The following CRAMP1 variants were observed in gnomAD, a reference collection of about 807,000 sequenced individuals.
CRAMP1 encodes protein cramped-like.
In CRAMP1, 50 loss-of-function variants were observed where a neutral mutation model predicts 115.4. The ratio of observed to expected loss-of-function variants is 0.43; its 90% confidence interval spans 0.35 to 0.55. The LOEUF is 0.55. CRAMP1 is among the 20% of genes least tolerant of loss of function. The probability of loss-of-function intolerance (pLI) is 0.01; values close to 1 mark genes in which losing one functional copy is unlikely to be tolerated. For missense variants in CRAMP1, 1,679 were observed against 1,721.7 expected (o/e 0.98, Z 0.44); for synonymous variants, 866 against 745.4 (o/e 1.16, Z -2.64).
chr16:1,615,051 C>T (rs963285123), intron 2 of CRAMP1, 66 bp downstream of exon 2: 6 of 984,506 alleles, frequency 6.1e-6, no homozygotes, highest in Non-Finnish European at 6.6e-6. Flanking sequence ...GGGAGAGGAA[C>T]CCCTCGCCCC....
At chr16:1,637,151 G>A (rs1013355791) in intron 4 of CRAMP1, among the ~76,000 whole-genome samples, 1 of 152,134 alleles carries the variant, frequency 6.6e-6, no homozygotes, top group Non-Finnish European at 1.5e-5. Context: ...AAATTAGCCA[G>A]GCCATAATGG....
rs1348614428 is a variant in CRAMP1 at position 1,626,002 on chromosome 16, A to T, written c.376A>T (p.Asn126Tyr). Residue 126 changes from asparagine to tyrosine, a missense_variant, in exon 3 of 21, where the codon AAT becomes TAT. By Grantham distance (143) the Asn-to-Tyr change is moderately radical (BLOSUM62 -2). Transcript: ENST00000397412. ...TGAAGGTGGTGGATCATCGTCTGGAAATGTGTCTGGGGTTGCCCCTGCTGC... is the reference window on the plus strand; with the variant it reads ...TGAAGGTGGTGGATCATCGTCTGGATATGTGTCTGGGGTTGCCCCTGCTGC... ...GAEGGGSSSG[N>Y]VSGVAPAAPA... 15 of 1,551,334 alleles carry T rather than the reference A, an allele frequency of 9.7e-6. No homozygotes were observed. The highest frequency in any genetic ancestry group is 1.4e-5 in the African/African-American group (1 of 72,982).
intron 19 of CRAMP1, among the ~76,000 whole-genome samples, chr16:1,670,045 G>A (rs528570507): frequency 6.6e-6 from 1 of 152,212 alleles, no homozygotes; most frequent in South Asian, 2.1e-4. Context: ...TAGGAGGACT[G>A]CTTGAGGCCA....
chr16:1,623,764 G>A (rs2036485222), intron 2 of CRAMP1, among the ~76,000 whole-genome samples: 1 of 152,190 alleles, frequency 6.6e-6, no homozygotes, highest in African/African-American at 2.4e-5. Flanking sequence ...GTTTCAAATG[G>A]CATCTGTACC....
At chr16:1,617,844 C>T (rs1242717495) in intron 2 of CRAMP1, among the ~76,000 whole-genome samples, 1 of 152,148 alleles carries the variant, frequency 6.6e-6, no homozygotes, top group Admixed American at 6.5e-5. Context: ...ATTGATAAAG[C>T]GATGGTAGCT....
rs373012163 is a variant in CRAMP1, at chr16:1,675,475, T to C, written c.*1430T>C. The C allele has an allele frequency of 6.6e-6, 1 of 152,636 alleles. No individual in the cohort carries two copies. Among genetic ancestry groups the C allele is most frequent in the Non-Finnish European group, 1.5e-5 (1 of 68,214 alleles). The allele number at this position is 152,636 out of a possible 1,614,324, so 9.5% of individuals were successfully genotyped here. On this transcript the variant is annotated 3_prime_UTR_variant, in exon 21 of 21. Coordinates refer to ENST00000397412, the MANE Select transcript of CRAMP1 (RefSeq NM_020825.4). ...TCCCCACCATTCCTCTTCCCCCACATGTGTGGCACGCTGCAGCCCTCAAGG... is the reference window on the plus strand; with the variant it reads ...TCCCCACCATTCCTCTTCCCCCACACGTGTGGCACGCTGCAGCCCTCAAGG...
intron 6 of CRAMP1, among the ~76,000 whole-genome samples, chr16:1,645,651 C>T (rs1353051556): frequency 1.3e-5 from 2 of 152,156 alleles, no homozygotes; most frequent in Non-Finnish European, 2.9e-5. Flanking sequence ...GGGCAGTTCA[C>T]TGCCCTGAAC....
rs2036827462 is a variant in CRAMP1 at position 1,661,338 on chromosome 16, GT to G, written c.2414-1151del. 3.3e-5 allele frequency among the ~76,000 whole-genome samples: 5 copies of G among 150,808 alleles called. No homozygotes were observed. The South Asian group carries it at 1.1e-3, about 32-fold the overall frequency. ...CGGGTGAGAGGTCCTGGCCTCCTGG[GT>G]GACGGAGGGGGCCGGGTGAGGGGTC... is the stretch of plus-strand genomic sequence containing the variant. On this transcript the variant is annotated intron_variant, in intron 11 of 20. Transcript: ENST00000397412.
intron 13 of CRAMP1, 121 bp downstream of exon 13, chr16:1,662,956 C>A: frequency 1.4e-6 from 1 of 711,112 alleles, no homozygotes; most frequent in Non-Finnish European, 2.3e-6. Context: ...CCCTTCCTTC[C>A]CTCTTGTGAG....
In CRAMP1 at chr16:1,614,682, C is replaced by G; in HGVS notation, c.43C>G (p.Leu15Val). The change falls in exon 2 of 21, where the codon CTC becomes GTC. Residue 15 changes from leucine (L) to valine (V), a missense_variant. By Grantham distance (32) the Leu-to-Val change is conservative. Around this residue, in one of 8 missense-constraint regions of CRAMP1, gnomAD observed 264 missense variants for 229.7 expected, o/e 1.15. Transcript: ENST00000397412. The surrounding 1 kb of genome is among the most constrained non-coding windows in gnomAD (Gnocchi z 4.4). ...CGACGGCGGCAGCGGGGAGGACGGGCTCAAGAAGCTGGGCAAGCGGGCGGC... is the reference window on the plus strand; with the variant it reads ...CGACGGCGGCAGCGGGGAGGACGGGGTCAAGAAGCTGGGCAAGCGGGCGGC... ...LGDGGSGEDG[L>V]KKLGKRAADE... 3.8e-6 allele frequency: 5 copies of G among 1,319,574 alleles called. No individual in the cohort carries two copies. The East Asian group carries it at 1.6e-4, about 41-fold the overall frequency. 81.7% of individuals were successfully genotyped at this position (1,319,574 alleles called of 1,614,324 possible).
At chr16:1,649,305 C>T (rs2036702876) in intron 6 of CRAMP1, among the ~76,000 whole-genome samples, 1 of 151,982 alleles carries the variant, frequency 6.6e-6, no homozygotes. Flanking sequence ...GACAGACGGA[C>T]ACGTGAGTGG....
At chr16:1,655,112 C>T (rs1033646518) in intron 8 of CRAMP1, 107 bp from the exon 9 acceptor site, 19 of 973,420 alleles carry the variant, frequency 2.0e-5, no homozygotes, top group Non-Finnish European at 3.1e-5. Flanking sequence ...CTCCAGAGGT[C>T]CCTTGTCTCT....
chr16:1,649,584 G>C (rs901381653), intron 6 of CRAMP1, among the ~76,000 whole-genome samples: 8 of 151,978 alleles, frequency 5.3e-5, no homozygotes, highest in Non-Finnish European at 1.2e-4. Context: ...CCGCCTCCTG[G>C]GTTCACACCA....
chr16:1,614,657 C>A lies in CRAMP1; in HGVS notation c.18C>A (p.Gly6=). The A allele has an allele frequency of 7.8e-7, 1 of 1,283,352 alleles. No individual in the cohort carries two copies. Among genetic ancestry groups the A allele is most frequent in the Non-Finnish European group, 9.9e-7 (1 of 1,008,156 alleles). The allele number at this position is 1,283,352 out of a possible 1,614,324, so 79.5% of individuals were successfully genotyped here. The change falls in exon 2 of 21, where the codon GGC becomes GGA. Residue 6 remains glycine, a synonymous_variant. Coordinates refer to ENST00000397412, the MANE Select transcript of CRAMP1 (RefSeq NM_020825.4). This position sits in a 1 kb window ranked among gnomAD's most constrained non-coding sequence, Gnocchi z 4.4. ...GCCGCAGGATGACAGTGAAGTTGGG[C>A]GACGGCGGCAGCGGGGAGGACGGGC... The part of the protein sequence containing the change: MTVKL[G]DGGSGEDGLK...
At chr16:1,628,534 A>G (rs535664353) in intron 3 of CRAMP1, among the ~76,000 whole-genome samples, 1 of 152,326 alleles carries the variant, frequency 6.6e-6, no homozygotes, top group Non-Finnish European at 1.5e-5. Context: ...GATTACAGGC[A>G]TGAGTCACCG....
chr16:1,667,551 C>T (rs2036886508), intron 17 of CRAMP1, 151 bp downstream of exon 17: 1 of 666,310 alleles, frequency 1.5e-6, no homozygotes, highest in African/African-American at 1.8e-5. Context: ...TGCCGACTGC[C>T]CAGGGTGGAT....
At position 1,665,862 on chromosome 16, in the gene CRAMP1, A is replaced by C. The variant is rs1355682726; in HGVS notation, c.2753-211A>C. ...AGCCTTCCAGTAGCTCCTGGGAGGC[A>C]CAGTGGTGGGTGCCAGAGCTTGTGT... is the stretch of plus-strand genomic sequence containing the variant. On this transcript the variant is annotated intron_variant, in intron 14 of 20. Coordinates refer to ENST00000397412, the MANE Select transcript of CRAMP1 (RefSeq NM_020825.4). The C allele has an allele frequency of 5.3e-6, 3 of 570,260 alleles. No individual in the cohort carries two copies. In the South Asian group the frequency reaches 6.3e-5, roughly 12 times the overall value. 35.3% of individuals were successfully genotyped at this position (570,260 alleles called of 1,614,324 possible).
intron 13 of CRAMP1, among the ~76,000 whole-genome samples, chr16:1,664,845 C>T (rs2036860338): frequency 6.6e-6 from 1 of 151,790 alleles, no homozygotes; most frequent in Non-Finnish European, 1.5e-5. Context: ...GTTTGATTAC[C>T]TGGGTTTGTT....
At chr16:1,624,134 GT>G (rs57776818) in intron 2 of CRAMP1, among the ~76,000 whole-genome samples, 34 of 146,472 alleles carry the variant, frequency 2.3e-4, no homozygotes, top group Admixed American at 5.4e-4. Context: ...GAGAGGCTGA[GT>G]TTTTTTTTTT....
Sources: gnomAD v4.1 joint callset for allele counts (sites outside exome capture counted in the v4.1 genomes callset) on GRCh38, gnomAD v4.1.1 for gene constraint, gnomAD v4.1.1 regional missense constraint, Gnocchi (gnomAD v3.1) non-coding constraint, MANE v1.5 for transcripts, NCBI Gene and HGNC (gene_info 2026-07-23, HGNC 2026-07-21) for gene names.